Variants in FAT3 observed in about 807,000 individuals in gnomAD.
The protein encoded by FAT3 is FAT atypical cadherin 3, also known as protocadherin Fat 3.
FAT3 carries 95 observed loss-of-function variants against 310.2 expected under a neutral mutation model. That is an observed-to-expected ratio of 0.31 (90% CI 0.26 to 0.36). FAT3 has a LOEUF of 0.36. Ranked by LOEUF, FAT3 falls within the 10% of genes least tolerant of loss-of-function variation. The pLI is 1.00. For missense variants in FAT3, 5,408 were observed against 5,715.6 expected, an observed-to-expected ratio of 0.95 and a Z score of 1.74; for synonymous variants, 2,314 against 2,192.9, an observed-to-expected ratio of 1.06 and a Z score of -1.54.
chr11:92,417,078 C>G (rs192987175), intron 2 of FAT3, among the ~76,000 whole-genome samples: 1 of 152,120 alleles, frequency 6.6e-6, no homozygotes, highest in African/African-American at 2.4e-5. Flanking sequence ...TATAAGCTCT[C>G]CTTTTGGGTT....
chr11:92,579,588 A>G (rs962934151), intron 3 of FAT3, among the ~76,000 whole-genome samples: 8 of 152,122 alleles, frequency 5.3e-5, no homozygotes, highest in African/African-American at 1.7e-4. Context: ...GAGTACTTCA[A>G]TATGTGAAGT....
At chr11:92,599,854 T>G (rs888940468) in intron 3 of FAT3, among the ~76,000 whole-genome samples, 1 of 152,206 alleles carries the variant, frequency 6.6e-6, no homozygotes, top group Non-Finnish European at 1.5e-5. Flanking sequence ...TTCTTTTGAT[T>G]ATAAGCTTAT....
At chr11:92,646,612 C>T (rs1417471361) in intron 3 of FAT3, among the ~76,000 whole-genome samples, 1 of 152,196 alleles carries the variant, frequency 6.6e-6, no homozygotes, top group Non-Finnish European at 1.5e-5. Flanking sequence ...GTATGCAGAA[C>T]TCTCACATTA....
intron 4 of FAT3, among the ~76,000 whole-genome samples, chr11:92,723,984 G>A (rs562149509): frequency 6.6e-6 from 1 of 152,120 alleles, no homozygotes; most frequent in African/African-American, 2.4e-5. Context: ...GAGAGTCAAA[G>A]GTATAAAATA....
At chr11:92,733,365 G>A (rs1158485865) in intron 4 of FAT3, among the ~76,000 whole-genome samples, 5 of 151,632 alleles carry the variant, frequency 3.3e-5, no homozygotes, top group Admixed American at 2.0e-4. Flanking sequence ...GTAATATGAG[G>A]CAAGACTGTG....
chr11:92,646,474 T>C (rs1226227635), intron 3 of FAT3, among the ~76,000 whole-genome samples: 9 of 152,226 alleles, frequency 5.9e-5, no homozygotes, highest in Non-Finnish European at 1.3e-4. Flanking sequence ...AATTAGACTC[T>C]TCTTCTCCAT....
chr11:92,429,334 A>G (rs545529720), intron 2 of FAT3, among the ~76,000 whole-genome samples: 26 of 152,118 alleles, frequency 1.7e-4, no homozygotes, highest in East Asian at 1.4e-3. Flanking sequence ...TCTTTATACA[A>G]TTTGCCAGTC....
At chr11:92,791,718 C>T (rs776192511) in intron 8 of FAT3, among the ~76,000 whole-genome samples, 3 of 152,180 alleles carry the variant, frequency 2.0e-5, no homozygotes, top group Non-Finnish European at 4.4e-5. Flanking sequence ...CTTCACATCT[C>T]TCTGCAGGTA....
chr11:92,646,839 G>A (rs775733782), intron 3 of FAT3, among the ~76,000 whole-genome samples: 1 of 152,198 alleles, frequency 6.6e-6, no homozygotes, highest in Non-Finnish European at 1.5e-5. Context: ...CAGTACATTA[G>A]TGATAAAAGG....
At chr11:92,510,994 G>A (rs1220511388) in intron 2 of FAT3, among the ~76,000 whole-genome samples, 3 of 152,214 alleles carry the variant, frequency 2.0e-5, no homozygotes, top group Admixed American at 6.5e-5. Context: ...CATCTAGAGC[G>A]CCTTGCTGGC....
rs775244917 is a variant in FAT3, at chr11:92,867,148, C to G, written c.12066C>G (p.Pro4022=). Residue 4022 remains proline, a synonymous_variant, in exon 22 of 28, where the codon CCC becomes CCG. Transcript: ENST00000525166. The part of the protein sequence containing the change: ...TELKLGCVLY[P]DACKRSPCQH... ...TGAAGCTGGGCTGCGTGCTCTATCC[C>G]GACGCCTGCAAGCGCAGCCCGTGCC... The G allele has an allele frequency of 6.2e-7, 1 of 1,600,568 alleles. No individual in the cohort carries two copies.
intron 3 of FAT3, among the ~76,000 whole-genome samples, chr11:92,533,257 G>A (rs915308798): frequency 3.3e-5 from 5 of 152,112 alleles, no homozygotes; most frequent in South Asian, 2.1e-4. Context: ...TGAACTCCTG[G>A]CTTCAAGCAA....
intron 4 of FAT3, among the ~76,000 whole-genome samples, chr11:92,742,324 G>A (rs569406747): frequency 1.3e-5 from 2 of 152,316 alleles, no homozygotes; most frequent in African/African-American, 4.8e-5. Context: ...AACTACAGGA[G>A]TAGGGAGTAA....
intron 2 of FAT3, among the ~76,000 whole-genome samples, chr11:92,431,474 T>C (rs1950775944): frequency 6.6e-6 from 1 of 152,234 alleles, no homozygotes; most frequent in Admixed American, 6.5e-5. Context: ...CTGTTCACTC[T>C]GATGGTAGTT....
At chr11:92,741,971 A>G (rs1425583112) in intron 4 of FAT3, among the ~76,000 whole-genome samples, 3 of 152,240 alleles carry the variant, frequency 2.0e-5, no homozygotes, top group African/African-American at 4.8e-5. Flanking sequence ...AAAACAGAAT[A>G]ATTTCTTCAC....
rs184757512 is a variant in FAT3 at position 92,312,411 on chromosome 11, A to G, written c.-17-39685A>G. Reference sequence around the variant, plus strand: ...CCCTCCCTCTATTCTTCCTACATGTATATTAAGGAAAATGGGGCTTCTTTT... The same window carrying G: ...CCCTCCCTCTATTCTTCCTACATGTGTATTAAGGAAAATGGGGCTTCTTTT... On this transcript the variant is annotated intron_variant, in intron 1 of 27. Coordinates refer to ENST00000525166, the MANE Select transcript of FAT3 (RefSeq NM_001367949.2). Among the ~76,000 whole-genome samples, 451 of 152,264 alleles carry G rather than the reference A, an allele frequency of 3.0e-3. 1 individual carries two copies. The highest frequency in any genetic ancestry group is 0.01 in the African/African-American group (420 of 41,566).
intron 2 of FAT3, among the ~76,000 whole-genome samples, chr11:92,379,143 TTC>T (rs1253355577): frequency 2.0e-5 from 3 of 152,196 alleles, no homozygotes; most frequent in African/African-American, 7.2e-5. Context: ...TTTAAAAATA[TTC>T]TGTTTTCCTC....
chr11:92,296,916 C>G (rs1946865141), intron 1 of FAT3, among the ~76,000 whole-genome samples: 1 of 152,056 alleles, frequency 6.6e-6, no homozygotes, highest in South Asian at 2.1e-4. Flanking sequence ...CATAGTGATC[C>G]AGAACAGTGA....
intron 4 of FAT3, among the ~76,000 whole-genome samples, chr11:92,726,967 T>G (rs1209646907): frequency 6.6e-6 from 1 of 152,010 alleles, no homozygotes; most frequent in Admixed American, 6.6e-5. Flanking sequence ...GATTCTTAAA[T>G]CTCAATAAAA....
Sources: allele counts gnomAD v4.1 joint callset (sites outside exome capture counted in the v4.1 genomes callset), GRCh38; gene constraint gnomAD v4.1.1; transcripts MANE v1.5; gene names NCBI Gene and HGNC (gene_info 2026-07-23, HGNC 2026-07-21).